The following TADA1 variants were observed in gnomAD, a reference collection of about 807,000 sequenced individuals.
TADA1 encodes the protein transcriptional adaptor 1.
TADA1 carries 23 observed loss-of-function variants against 39.3 expected under a neutral mutation model. The observed-to-expected ratio is 0.58, with a 90% CI of 0.42 to 0.83. The LOEUF (loss-of-function observed/expected upper bound fraction) is 0.83. Ranked by LOEUF, TADA1 falls within the 40% of genes least tolerant of loss-of-function variation. TADA1 has a pLI of 0.00. For missense variants in TADA1, 352 were observed against 408.1 expected, an observed-to-expected ratio of 0.86 and a Z score of 1.18; for synonymous variants, 137 against 151.8, an observed-to-expected ratio of 0.90 and a Z score of 0.72.
chr1:166,857,777 C>A, intron 7 of TADA1, 58 bp from the exon 8 acceptor site: 1 of 1,572,426 alleles, frequency 6.4e-7, no homozygotes, highest in Non-Finnish European at 8.7e-7. Context: ...ATTTTTCTGA[C>A]ATATAAAAGG....
chr1:166,857,838 T>A, intron 7 of TADA1, 119 bp from the exon 8 acceptor site: 1 of 1,146,734 alleles, frequency 8.7e-7, no homozygotes, highest in Non-Finnish European at 1.2e-6. Context: ...AGTCATACAC[T>A]AAAATGAATC....
chr1:166,875,354 G>A (rs1190748700), intron 1 of TADA1, among the ~76,000 whole-genome samples: 1 of 152,126 alleles, frequency 6.6e-6, no homozygotes, highest in Non-Finnish European at 1.5e-5. Flanking sequence ...CTGTGCACTA[G>A]GTCCCCTGCC....
intron 6 of TADA1, 81 bp from the exon 7 acceptor site, chr1:166,858,362 T>C: frequency 9.0e-7 from 1 of 1,113,884 alleles, no homozygotes; most frequent in Non-Finnish European, 1.2e-6. Context: ...TAGAATCTTA[T>C]TTAAAAAATC....
chr1:166,876,137 C>G (rs980325590), intron 1 of TADA1, 23 bp downstream of exon 1: 1 of 1,604,074 alleles, frequency 6.2e-7, no homozygotes, highest in Non-Finnish European at 8.5e-7. Flanking sequence ...TTGGCCTGGA[C>G]GCTGTGCTAG....
chr1:166,859,334 G>A (rs528741618), intron 6 of TADA1, among the ~76,000 whole-genome samples: 1 of 152,058 alleles, frequency 6.6e-6, no homozygotes, highest in South Asian at 2.1e-4. Flanking sequence ...TTTTTTCTCT[G>A]AACTTGCAAG....
intron 1 of TADA1, among the ~76,000 whole-genome samples, chr1:166,870,566 G>A (rs1427475265): frequency 6.6e-6 from 1 of 152,232 alleles, no homozygotes; most frequent in Non-Finnish European, 1.5e-5. Context: ...GGTGGCTCAT[G>A]CCTGTAGTCC....
chr1:166,870,612 G>A (rs1658634658), intron 1 of TADA1, among the ~76,000 whole-genome samples: 1 of 152,204 alleles, frequency 6.6e-6, no homozygotes, highest in Non-Finnish European at 1.5e-5. Context: ...CAGACCGCTT[G>A]AACCCAGGAG....
At chr1:166,862,137 C>G in intron 5 of TADA1, 66 bp downstream of exon 5, 1 of 1,484,000 alleles carries the variant, frequency 6.7e-7, no homozygotes, top group Admixed American at 1.7e-5. Context: ...GCAATACCGA[C>G]TTTAAACAAC....
chr1:166,864,560 T>C (rs1571239366), intron 3 of TADA1, among the ~76,000 whole-genome samples: 1 of 152,132 alleles, frequency 6.6e-6, no homozygotes, highest in Non-Finnish European at 1.5e-5. Flanking sequence ...AAAAACAAAA[T>C]TAATGGAATG....
In TADA1 at chr1:166,856,907, A is replaced by G. The variant is rs115896010; in HGVS notation, c.*660T>C. On this transcript the variant is annotated 3_prime_UTR_variant, in exon 8 of 8. Coordinates refer to ENST00000367874, the MANE Select transcript of TADA1 (RefSeq NM_053053.4). ...CAAAACTTGAGTCATGGGAAGACAT[A>G]AAGTTAATTAATTGCATTACAAGAG... The G allele has an allele frequency of 0.028, 4,289 of 152,372 alleles. 89 individuals carry two copies. Among genetic ancestry groups the G allele is most frequent in the African/African-American group, 0.044 (1,831 of 41,556 alleles). 9.4% of individuals were successfully genotyped at this position (152,372 alleles called of 1,614,324 possible).
At position 166,857,649 on chromosome 1, in the gene TADA1, C is replaced by T. The variant is rs1164834597; in HGVS notation, c.926G>A (p.Trp309Ter). 6.2e-7 allele frequency: 1 copy of T among 1,614,172 alleles called. No homozygotes were observed. Among genetic ancestry groups the T allele is most frequent in the Non-Finnish European group, 8.5e-7 (1 of 1,180,038 alleles). The part of the protein sequence containing the change: ...LNIERIITKL[W>*]HPNHEELQQD... ...CTGCAGCTCTTCATGATTTGGATGC[C>T]AGAGTTTCGTGATGATCCTTTCAAT... Residue 309 changes from tryptophan (W) to a stop codon, truncating the protein, a stop_gained, in exon 8 of 8, where the codon TGG (tryptophan) becomes TAG (stop). Coordinates refer to ENST00000367874, the MANE Select transcript of TADA1 (RefSeq NM_053053.4). LOFTEE classifies it high-confidence loss of function.
At chr1:166,857,977 T>G in intron 7 of TADA1, 142 bp downstream of exon 7, 1 of 1,112,732 alleles carries the variant, frequency 9.0e-7, no homozygotes, top group South Asian at 1.5e-5. Context: ...ATGAGGCTAG[T>G]ATTAATAACG....
chr1:166,858,504 A>G (rs80165184), intron 6 of TADA1, among the ~76,000 whole-genome samples: 13 of 152,368 alleles, frequency 8.5e-5, no homozygotes, highest in Non-Finnish European at 1.8e-4. Context: ...ATGTTAAAAT[A>G]TTTACCTAGC....
chr1:166,860,083 C>CT (rs3215444), intron 6 of TADA1, 103 bp downstream of exon 6: 460,290 of 1,236,076 alleles, frequency 0.37, 87,353 homozygotes, highest in Middle Eastern at 0.54. Flanking sequence ...ATTAAAGGTA[C>CT]TTAAACCTAT....
chr1:166,866,594 G>C (rs1286818447), intron 3 of TADA1, among the ~76,000 whole-genome samples: 2 of 152,032 alleles, frequency 1.3e-5, no homozygotes, highest in East Asian at 1.9e-4. Context: ...GTGTTCAATG[G>C]AAGAATACAT....
intron 1 of TADA1, 72 bp downstream of exon 1, chr1:166,876,085 CGGG>C: frequency 7.0e-7 from 1 of 1,434,236 alleles, no homozygotes; most frequent in Non-Finnish European, 9.4e-7. Flanking sequence ...CGGGCGTCTC[CGGG>C]GCGGGCTGGC....
intron 1 of TADA1, 116 bp downstream of exon 1, chr1:166,876,044 G>T (rs1031015995): frequency 3.1e-6 from 3 of 983,392 alleles, no homozygotes; most frequent in Non-Finnish European, 4.3e-6. Flanking sequence ...CGCCGCCGCG[G>T]ACTCCAGGCT....
chr1:166,869,514 A>G lies in TADA1; in HGVS notation c.167-4T>C, dbSNP rs1658611349. 6.2e-7 allele frequency: 1 copy of G among 1,613,218 alleles called. No individual in the cohort carries two copies. The highest frequency in any genetic ancestry group is 1.3e-5 in the African/African-American group (1 of 75,018). On this transcript the variant is annotated splice_region_variant and splice_polypyrimidine_tract_variant and intron_variant, in intron 2 of 7. Transcript: ENST00000367874. ...AGGAAATCATTGTGAGAATGGACTGAAAAAGGAAAGATAGTGACAATCAAA... is the reference window on the plus strand; with the variant it reads ...AGGAAATCATTGTGAGAATGGACTGGAAAAGGAAAGATAGTGACAATCAAA...
At chr1:166,869,029 A>AT (rs1486222013) in intron 3 of TADA1, 3 of 218,932 alleles carry the variant, frequency 1.4e-5, no homozygotes, top group African/African-American at 7.0e-5. Flanking sequence ...TAAGATGAAG[A>AT]TTATAGAGGA....
Sources: gnomAD v4.1 joint callset for allele counts (sites outside exome capture counted in the v4.1 genomes callset) on GRCh38, gnomAD v4.1.1 for gene constraint, MANE v1.5 for transcripts, NCBI Gene and HGNC (gene_info 2026-07-23, HGNC 2026-07-21) for gene names.